SLC39A10: variants seen among roughly 807,000 people sequenced by gnomAD.
The protein encoded by SLC39A10 is solute carrier family 39 member 10.
A neutral mutation model predicts 65.1 loss-of-function variants in SLC39A10; 13 were observed. The observed-to-expected ratio is 0.20, with a 90% CI of 0.13 to 0.32. The LOEUF (loss-of-function observed/expected upper bound fraction) is 0.32. Among genes scored for constraint, SLC39A10 ranks in the 10% least tolerant of loss-of-function variants. The pLI, the probability that SLC39A10 is intolerant of heterozygous loss-of-function variation, is 1.00. For missense variants in SLC39A10, 831 were observed against 1,018.4 expected (o/e 0.82, Z 2.50); for synonymous variants, 321 against 342.2 (o/e 0.94, Z 0.68).
At chr2:195,695,514 GC>G (rs1343300975) in intron 3 of SLC39A10, among the ~76,000 whole-genome samples, 5 of 152,178 alleles carry the variant, frequency 3.3e-5, no homozygotes, top group Non-Finnish European at 7.3e-5. Context: ...ACTGAGAACT[GC>G]CCGAGATCAC....
At chr2:195,665,761 T>C (rs907146148) in intron 1 of SLC39A10, among the ~76,000 whole-genome samples, 1 of 152,210 alleles carries the variant, frequency 6.6e-6, no homozygotes, top group East Asian at 1.9e-4. Flanking sequence ...TGCTATTCAT[T>C]ACCATGTCTC....
chr2:195,618,542 A>G (rs1248381638), intron 2 of SLC39A10, among the ~76,000 whole-genome samples: 1 of 152,206 alleles, frequency 6.6e-6, no homozygotes, highest in African/African-American at 2.4e-5. Context: ...AGGTGTTGTC[A>G]TTACCTCCGC....
intron 2 of SLC39A10, among the ~76,000 whole-genome samples, chr2:195,682,537 C>T (rs1378277511): frequency 1.3e-5 from 2 of 152,100 alleles, no homozygotes; most frequent in African/African-American, 2.4e-5. Context: ...AGTAGTTCTC[C>T]AGCCTTAACT....
At chr2:195,725,378 C>T (rs1692199155) in intron 8 of SLC39A10, among the ~76,000 whole-genome samples, 1 of 152,086 alleles carries the variant, frequency 6.6e-6, no homozygotes, top group Non-Finnish European at 1.5e-5. Context: ...TGACAAAAGA[C>T]TTCAATCATA....
At chr2:195,690,173 GAA>G (rs34116515) in intron 3 of SLC39A10, among the ~76,000 whole-genome samples, 6,981 of 60,978 alleles carry the variant, frequency 0.11, 334 homozygotes, top group African/African-American at 0.18. Context: ...GAGACTCTCT[GAA>G]AAAAAAAAAA....
At chr2:195,637,442 G>T (rs1688717289) in intron 2 of SLC39A10, among the ~76,000 whole-genome samples, 1 of 152,232 alleles carries the variant, frequency 6.6e-6, no homozygotes, top group East Asian at 1.9e-4. Context: ...GCTTTACTGG[G>T]GCTCACTTCC....
chr2:195,735,133 T>C lies in SLC39A10; in HGVS notation c.*92T>C. 2 of 1,349,518 alleles carry C rather than the reference T, an allele frequency of 1.5e-6. No homozygotes were observed. The highest frequency in any genetic ancestry group is 2.0e-6 in the Non-Finnish European group (2 of 1,003,722). 83.6% of individuals were successfully genotyped at this position (1,349,518 alleles called of 1,614,324 possible). ...TGTATGCACATTGCTCAAAGGAAAG[T>C]CAGTGGCTTGCACTACTTACAAGTT... On this transcript the variant is annotated 3_prime_UTR_variant, in exon 10 of 10. Coordinates refer to ENST00000359634, the MANE Select transcript of SLC39A10 (RefSeq NM_020342.3).
At chr2:195,623,405 G>C (rs1042382510) in intron 2 of SLC39A10, among the ~76,000 whole-genome samples, 1 of 152,086 alleles carries the variant, frequency 6.6e-6, no homozygotes, top group Non-Finnish European at 1.5e-5. Context: ...TCCTTACGCC[G>C]TGTTGTATAA....
At chr2:195,633,060 A>G (rs1688621729) in intron 2 of SLC39A10, among the ~76,000 whole-genome samples, 2 of 152,352 alleles carry the variant, frequency 1.3e-5, no homozygotes, top group Middle Eastern at 3.4e-3. Flanking sequence ...GGGGAAATGG[A>G]TAAGAGAGCT....
chr2:195,732,197 G>T (rs1284351547), intron 9 of SLC39A10, among the ~76,000 whole-genome samples: 2 of 152,202 alleles, frequency 1.3e-5, no homozygotes, highest in Admixed American at 6.5e-5. Context: ...GGAGAGCCAT[G>T]AAAAAGTTTA....
Position 195,712,068 on chromosome 2 carries a change from C to T in SLC39A10, c.1576-1365C>T, listed in dbSNP as rs1036168167. On this transcript the variant is annotated intron_variant, in intron 5 of 9. Coordinates refer to ENST00000359634, the MANE Select transcript of SLC39A10 (RefSeq NM_020342.3). ...ACTTGCCATTTGCTAGAGTCTTTAA[C>T]ACTATTACATTAAAATTCAGCAGGC... Among the ~76,000 whole-genome samples the T allele has an allele frequency of 3.3e-5, 5 of 152,242 alleles. No homozygotes were observed. The East Asian group carries it at 7.7e-4, about 23-fold the overall frequency.
At chr2:195,661,094 AAC>A (rs1491266592) in intron 1 of SLC39A10, among the ~76,000 whole-genome samples, 1 of 152,182 alleles carries the variant, frequency 6.6e-6, no homozygotes, top group African/African-American at 2.4e-5. Flanking sequence ...CAGATATTAT[AAC>A]ACAATATACC....
intron 2 of SLC39A10, among the ~76,000 whole-genome samples, chr2:195,635,093 C>A (rs1245666251): frequency 6.6e-6 from 1 of 152,064 alleles, no homozygotes. Context: ...AACAAAAGAA[C>A]ACTGACATCA....
In SLC39A10 at chr2:195,735,321, A is replaced by G. The variant is rs1692556133; in HGVS notation, c.*280A>G. Reference sequence around the variant, plus strand: ...TTAAGACTTTTCACAAAATAATCATATAAAACACTAGTCTCTTTATTAGTA... The same window carrying G: ...TTAAGACTTTTCACAAAATAATCATGTAAAACACTAGTCTCTTTATTAGTA... On this transcript the variant is annotated 3_prime_UTR_variant, in exon 10 of 10. Transcript: ENST00000359634. The G allele has an allele frequency of 4.2e-6, 1 of 238,060 alleles. No homozygotes were observed. The highest frequency in any genetic ancestry group is 8.0e-6 in the Non-Finnish European group (1 of 124,898). The allele number at this position is 238,060 out of a possible 1,614,324, so 14.7% of individuals were successfully genotyped here. A position where few individuals can be genotyped will look rare whatever the true frequency, so the allele number is the denominator to read the frequency against.
chr2:195,644,683 T>C (rs1267911892), intron 2 of SLC39A10, among the ~76,000 whole-genome samples: 1 of 151,622 alleles, frequency 6.6e-6, no homozygotes, highest in African/African-American at 2.4e-5. Context: ...CACTGACCTG[T>C]AGTCCCAGCT....
chr2:195,645,844 T>C (rs1449134315), intron 2 of SLC39A10, among the ~76,000 whole-genome samples: 3 of 152,262 alleles, frequency 2.0e-5, no homozygotes, highest in Admixed American at 2.0e-4. Flanking sequence ...CTGCAAAGTA[T>C]TGATCATTCT....
chr2:195,702,129 G>T (rs890748627), intron 3 of SLC39A10, among the ~76,000 whole-genome samples: 2 of 152,182 alleles, frequency 1.3e-5, no homozygotes, highest in African/African-American at 2.4e-5. Flanking sequence ...GGAAAAAGAG[G>T]TGCTGGCCTT....
intron 2 of SLC39A10, among the ~76,000 whole-genome samples, chr2:195,624,725 A>G (rs1381958222): frequency 6.6e-6 from 1 of 151,122 alleles, no homozygotes; most frequent in Admixed American, 6.6e-5. Flanking sequence ...AAGTACAAAT[A>G]TTAGCCGGAT....
At chr2:195,656,570 A>T (rs1328847462), upstream of SLC39A10, among the ~76,000 whole-genome samples, 1 of 152,130 alleles carries the variant, frequency 6.6e-6, no homozygotes, top group African/African-American at 2.4e-5. Context: ...GGTTTGGAAG[A>T]CCCGCAGTAA....
Sources: gnomAD v4.1 joint callset for allele counts (sites outside exome capture counted in the v4.1 genomes callset) on GRCh38, gnomAD v4.1.1 for gene constraint, MANE v1.5 for transcripts, NCBI Gene and HGNC (gene_info 2026-07-23, HGNC 2026-07-21) for gene names.